Variants in MTA1 observed in about 807,000 individuals in gnomAD.
The protein encoded by MTA1 is metastasis associated 1.
A neutral mutation model predicts 97.0 loss-of-function variants in MTA1; 15 were observed. The ratio of observed to expected loss-of-function variants is 0.15; its 90% CI spans 0.10 to 0.24. The LOEUF is 0.24. Ranked by LOEUF, MTA1 falls within the 10% of genes least tolerant of loss-of-function variation. The pLI, the probability that MTA1 is intolerant of heterozygous loss-of-function variation, is 1.00. For missense variants in MTA1, 709 were observed against 1,015.1 expected, an observed-to-expected ratio of 0.70 and a Z score of 4.10; for synonymous variants, 435 against 417.5, an observed-to-expected ratio of 1.04 and a Z score of -0.51.
chr14:105,451,358 A>G (rs926934265), intron 6 of MTA1, among the ~76,000 whole-genome samples: 4 of 152,246 alleles, frequency 2.6e-5, no homozygotes, highest in Admixed American at 1.3e-4. Flanking sequence ...AGTCATGAGC[A>G]GGCAGAGAAG....
intron 2 of MTA1, among the ~76,000 whole-genome samples, chr14:105,440,376 C>T (rs370556209): frequency 2.2e-4 from 33 of 152,314 alleles, no homozygotes; most frequent in African/African-American, 6.7e-4. Flanking sequence ...GAGGGGCGGC[C>T]GGCAGATGGC....
In MTA1 at chr14:105,465,231, G is replaced by A; in HGVS notation, c.1624+48G>A. On this transcript the variant is annotated intron_variant, in intron 16 of 20. Coordinates refer to ENST00000331320, the MANE Select transcript of MTA1 (RefSeq NM_004689.4). ...GGGCTCCCAATGCTGCCTGCAGGCA[G>A]CTTCTCACCCAAGCTCATGCACTGG... The A allele has an allele frequency of 2.7e-6, 4 of 1,454,850 alleles. 1 individual carries two copies. In the East Asian group the frequency reaches 7.7e-5, roughly 28 times the overall value. 90.1% of individuals were successfully genotyped at this position (1,454,850 alleles called of 1,614,324 possible).
At chr14:105,456,855 C>T (rs2083173307) in intron 7 of MTA1, among the ~76,000 whole-genome samples, 1 of 152,258 alleles carries the variant, frequency 6.6e-6, no homozygotes, top group Admixed American at 6.5e-5. Context: ...CACACAGCCC[C>T]AGTCCCTGGC....
chr14:105,436,962 C>T (rs782354990), intron 1 of MTA1, among the ~76,000 whole-genome samples: 1 of 152,260 alleles, frequency 6.6e-6, no homozygotes, highest in Non-Finnish European at 1.5e-5. Flanking sequence ...GACACAGACC[C>T]ACAGGCCCCC....
intron 18 of MTA1, chr14:105,468,829 G>C (rs1272151012): frequency 1.1e-5 from 3 of 273,030 alleles, no homozygotes; most frequent in African/African-American, 6.7e-5. Flanking sequence ...GGGCAGCGGC[G>C]GTCCTGGGCC....
chr14:105,466,092 G>A, intron 16 of MTA1: 2 of 302,620 alleles, frequency 6.6e-6, no homozygotes, highest in Non-Finnish European at 1.2e-5. Flanking sequence ...GGACGTGGGG[G>A]CTGTTTAATA....
intron 3 of MTA1, among the ~76,000 whole-genome samples, chr14:105,446,354 G>A (rs1668980421): frequency 6.6e-6 from 1 of 152,198 alleles, no homozygotes; most frequent in Non-Finnish European, 1.5e-5. Context: ...TGGTCTGTAG[G>A]GTGACATTTC....
At chr14:105,428,601 C>T (rs782210940) in intron 1 of MTA1, among the ~76,000 whole-genome samples, 2 of 152,162 alleles carry the variant, frequency 1.3e-5, no homozygotes, top group African/African-American at 2.4e-5. Context: ...TAGTAGGAAT[C>T]CTTGAACTTT....
chr14:105,435,645 T>G (rs2082304670), intron 1 of MTA1, among the ~76,000 whole-genome samples: 1 of 152,170 alleles, frequency 6.6e-6, no homozygotes, highest in Non-Finnish European at 1.5e-5. Context: ...GAATTGGTGT[T>G]AATTTTTCCT....
At chr14:105,421,148 C>T (rs1197680973) in intron 1 of MTA1, among the ~76,000 whole-genome samples, 2 of 152,272 alleles carry the variant, frequency 1.3e-5, no homozygotes, top group Non-Finnish European at 1.5e-5. Context: ...GTGAGATGGG[C>T]GGTCAGTCCG....
chr14:105,447,540 G>A (rs1335976874), intron 3 of MTA1, among the ~76,000 whole-genome samples: 8 of 152,216 alleles, frequency 5.3e-5, no homozygotes, highest in African/African-American at 1.4e-4. Context: ...GTATCAGAGG[G>A]CAGGTTTTCC....
At chr14:105,449,781 CCCT>C (rs1555428117) in intron 4 of MTA1, among the ~76,000 whole-genome samples, 1 of 152,214 alleles carries the variant, frequency 6.6e-6, no homozygotes, top group African/African-American at 2.4e-5. Context: ...ACCTTGTTCT[CCCT>C]CCTCCTTCCA....
At chr14:105,437,835 CA>C (rs1436398696) in intron 1 of MTA1, among the ~76,000 whole-genome samples, 4 of 152,216 alleles carry the variant, frequency 2.6e-5, no homozygotes, top group Admixed American at 2.6e-4. Context: ...GCGGTGGCCC[CA>C]GGAGGCCTGG....
At position 105,445,502 on chromosome 14, in the gene MTA1, A is replaced by C; in HGVS notation, c.181A>C (p.Lys61Gln). ...CAGCACCCTCATCGCCCTGGCCGAC[A>C]AGCACGCAAGTGAGTCCGGCCTTCC... ...ISSTLIALAD[K>Q]HATLSVCYKA... is the part of the protein sequence containing the mutation. The change falls in exon 3 of 21, where the codon AAG (lysine) becomes CAG (glutamine). Residue 61 changes from lysine to glutamine, a missense_variant. Lys to Gln is a moderately conservative substitution (Grantham distance 53). Coordinates refer to ENST00000331320, the MANE Select transcript of MTA1 (RefSeq NM_004689.4). 2 of 1,613,300 alleles carry C rather than the reference A, an allele frequency of 1.2e-6. No homozygotes were observed. The highest frequency in any genetic ancestry group is 1.7e-6 in the Non-Finnish European group (2 of 1,179,906).
At chr14:105,433,199 CGTG>C (rs1567005305) in intron 1 of MTA1, among the ~76,000 whole-genome samples, 1 of 152,140 alleles carries the variant, frequency 6.6e-6, no homozygotes, top group African/African-American at 2.4e-5. Context: ...CCAGCAGAGA[CGTG>C]GGCGGTGTGT....
rs1487018789 is a variant in MTA1 at position 105,424,951 on chromosome 14, C to T, written c.28+4888C>T. Among the ~76,000 whole-genome samples the T allele has an allele frequency of 1.3e-5, 2 of 152,258 alleles. No individual in the cohort carries two copies. Among genetic ancestry groups the T allele is most frequent in the African/African-American group, 4.8e-5 (2 of 41,468 alleles). The stretch of plus-strand genomic sequence containing the variant: ...CCGTTCCCGCCCGTGTGTGTGGGTT[C>T]TGGGTGTCAAAACTGCTGCAGTGGC... On this transcript the variant is annotated intron_variant, in intron 1 of 20. Transcript: ENST00000331320. The surrounding 1 kb of genome is among the most constrained non-coding windows in gnomAD (Gnocchi z 4.0).
chr14:105,446,985 C>T (rs1029561873), intron 3 of MTA1, among the ~76,000 whole-genome samples: 2 of 152,234 alleles, frequency 1.3e-5, no homozygotes, highest in Admixed American at 1.3e-4. Flanking sequence ...CTGCACTCGG[C>T]GGGCTCCAGG....
At chr14:105,432,642 T>C (rs1555423590) in intron 1 of MTA1, among the ~76,000 whole-genome samples, 1 of 152,260 alleles carries the variant, frequency 6.6e-6, no homozygotes, top group African/African-American at 2.4e-5. Flanking sequence ...TAGTTTTTGC[T>C]GCATGATGTT....
chr14:105,463,836 G>A lies in MTA1; in HGVS notation c.1077-196G>A. On this transcript the variant is annotated intron_variant, in intron 12 of 20. Transcript: ENST00000331320. The surrounding 1 kb of genome is among the most constrained non-coding windows in gnomAD (Gnocchi z 5.9). ...GGCTCCATGCTAGGGGGAGCACGGGGGCCTGGAGAACGGCTCAGACCTCAG... is the reference window on the plus strand; with the variant it reads ...GGCTCCATGCTAGGGGGAGCACGGGAGCCTGGAGAACGGCTCAGACCTCAG... 2 of 658,786 alleles carry A rather than the reference G, an allele frequency of 3.0e-6. No homozygotes were observed. The highest frequency in any genetic ancestry group is 5.4e-6 in the Non-Finnish European group (2 of 371,602). The allele number at this position is 658,786 out of a possible 1,614,324, so 40.8% of individuals were successfully genotyped here. A position where few individuals can be genotyped will look rare whatever the true frequency, so the allele number is the denominator to read the frequency against.
Sources: allele counts gnomAD v4.1 joint callset (sites outside exome capture counted in the v4.1 genomes callset), GRCh38; gene constraint gnomAD v4.1.1; non-coding constraint Gnocchi (gnomAD v3.1); transcripts MANE v1.5; gene names NCBI Gene and HGNC (gene_info 2026-07-23, HGNC 2026-07-21).